The following CSMD1 variants were observed in gnomAD, a reference collection of about 807,000 sequenced individuals.
The protein encoded by CSMD1 is CUB and Sushi multiple domains 1.
A neutral mutation model predicts 417.5 loss-of-function variants in CSMD1; 213 were observed. The observed-to-expected ratio is 0.51, with a 90% confidence interval of 0.46 to 0.57. The LOEUF (loss-of-function observed/expected upper bound fraction) is 0.57, where lower values mean the gene tolerates loss of function less well. Ranked by LOEUF, CSMD1 falls within the 20% of genes least tolerant of loss-of-function variation. CSMD1 has a pLI of 0.00. For missense variants in CSMD1, 6,923 were observed against 4,529.7 expected (o/e 1.53, Z -15.17); for synonymous variants, 2,862 against 1,736.8 (o/e 1.65, Z -16.11).
intron 5 of CSMD1, among the ~76,000 whole-genome samples, chr8:3,981,661 G>C (rs776887333): frequency 6.6e-6 from 1 of 151,856 alleles, no homozygotes; most frequent in Non-Finnish European, 1.5e-5. Flanking sequence ...TCTTGTCATA[G>C]TTTCCTTCTT....
intron 1 of CSMD1, among the ~76,000 whole-genome samples, chr8:4,763,111 G>A (rs1315754065): frequency 6.6e-6 from 1 of 152,130 alleles, no homozygotes; most frequent in Non-Finnish European, 1.5e-5. Context: ...ACCAAACTCA[G>A]CATGAAGTTA....
At chr8:4,629,445 T>TA (rs1802373743) in intron 2 of CSMD1, among the ~76,000 whole-genome samples, 1 of 152,232 alleles carries the variant, frequency 6.6e-6, no homozygotes, top group African/African-American at 2.4e-5. Context: ...ACGTATATTT[T>TA]ACCTGCTTTT....
intron 1 of CSMD1, among the ~76,000 whole-genome samples, chr8:4,993,375 G>A (rs1312786839): frequency 7.9e-5 from 8 of 101,738 alleles, no homozygotes; most frequent in Non-Finnish European, 1.7e-4. Context: ...AAACCAATCA[G>A]TATTCTCTCT....
At chr8:4,990,116 A>G (rs1007034475) in intron 1 of CSMD1, among the ~76,000 whole-genome samples, 4 of 152,136 alleles carry the variant, frequency 2.6e-5, no homozygotes, top group Non-Finnish European at 5.9e-5. Context: ...ACTACTTGCC[A>G]TTTGCTTCTC....
intron 3 of CSMD1, among the ~76,000 whole-genome samples, chr8:4,192,240 G>A (rs1799073967): frequency 1.3e-5 from 2 of 152,106 alleles, no homozygotes; most frequent in South Asian, 4.1e-4. Flanking sequence ...ACAAAATATA[G>A]TTCGTTAGGA....
At chr8:4,486,952 G>T (rs1036191195) in intron 2 of CSMD1, among the ~76,000 whole-genome samples, 2 of 152,154 alleles carry the variant, frequency 1.3e-5, no homozygotes, top group South Asian at 4.1e-4. Context: ...CTAAATGGTA[G>T]CTCACAGAGA....
At chr8:3,565,219 TAGAC>T (rs1554471770) in intron 10 of CSMD1, among the ~76,000 whole-genome samples, 11 of 138,924 alleles carry the variant, frequency 7.9e-5, no homozygotes, top group Admixed American at 1.6e-4. Context: ...GATAGAGAGA[TAGAC>T]AGATAGATAG....
chr8:3,787,635 G>C (rs1799518076), intron 5 of CSMD1, among the ~76,000 whole-genome samples: 2 of 152,058 alleles, frequency 1.3e-5, no homozygotes, highest in Non-Finnish European at 1.5e-5. Context: ...TTTATTCCAA[G>C]GAGAAATAAG....
intron 4 of CSMD1, among the ~76,000 whole-genome samples, chr8:4,003,053 A>G (rs924538820): frequency 6.6e-6 from 1 of 152,222 alleles, no homozygotes; most frequent in African/African-American, 2.4e-5. Context: ...ATTTGCAACA[A>G]CACAGCAGGG....
At chr8:3,113,993 G>A (rs896623685) in intron 42 of CSMD1, among the ~76,000 whole-genome samples, 2 of 152,128 alleles carry the variant, frequency 1.3e-5, no homozygotes, top group African/African-American at 2.4e-5. Context: ...TTAGGGAGGA[G>A]GATCATTTGA....
intron 1 of CSMD1, among the ~76,000 whole-genome samples, chr8:4,884,451 C>T (rs569311368): frequency 1.3e-5 from 2 of 152,064 alleles, no homozygotes; most frequent in South Asian, 2.1e-4. Context: ...AACAAAATTG[C>T]TTTCTACATG....
chr8:3,927,346 G>GA (rs1809809789), intron 5 of CSMD1, among the ~76,000 whole-genome samples: 1 of 151,832 alleles, frequency 6.6e-6, no homozygotes. Context: ...GTATTCAATG[G>GA]AAAAAGGAAA....
chr8:3,392,607 C>T (rs1216221309), intron 17 of CSMD1, among the ~76,000 whole-genome samples: 2 of 152,050 alleles, frequency 1.3e-5, no homozygotes, highest in African/African-American at 2.4e-5. Context: ...CCGGGATCTG[C>T]GTCTGCCTTC....
chr8:2,961,518 T>C (rs1803487830), intron 61 of CSMD1, among the ~76,000 whole-genome samples: 1 of 152,204 alleles, frequency 6.6e-6, no homozygotes, highest in Non-Finnish European at 1.5e-5. Context: ...AATGATATAC[T>C]ATCTTCAATA....
intron 12 of CSMD1, among the ~76,000 whole-genome samples, chr8:3,466,210 T>G (rs1176198141): frequency 6.6e-6 from 1 of 152,212 alleles, no homozygotes; most frequent in East Asian, 1.9e-4. Flanking sequence ...TAGGACTTTT[T>G]TTTTTAATGA....
chr8:4,789,852 C>T lies in CSMD1; in HGVS notation c.86-152294G>A, dbSNP rs79628255. 5.9e-3 allele frequency among the ~76,000 whole-genome samples: 894 copies of T among 152,264 alleles called. 15 individuals are homozygous for T. Among genetic ancestry groups the T allele is most frequent in the African/African-American group, 0.021 (852 of 41,556 alleles). ...GGAAAATAAGTCTAACTTTCTTAATCTCTTTTAGTACTCTTTTATTTTACA... is the reference window on the plus strand; with the variant it reads ...GGAAAATAAGTCTAACTTTCTTAATTTCTTTTAGTACTCTTTTATTTTACA... On this transcript the variant is annotated intron_variant, in intron 1 of 69. Coordinates refer to ENST00000635120, the MANE Select transcript of CSMD1 (RefSeq NM_033225.6).
At chr8:3,420,793 C>T (rs270081) in intron 12 of CSMD1, among the ~76,000 whole-genome samples, 114,731 of 151,986 alleles carry the variant, frequency 0.75, 43,497 homozygotes, top group South Asian at 0.83. Flanking sequence ...CACCATTCTG[C>T]GCATGGATTG....
At chr8:3,053,590 G>A (rs1812018179) in intron 49 of CSMD1, among the ~76,000 whole-genome samples, 1 of 152,096 alleles carries the variant, frequency 6.6e-6, no homozygotes, top group Non-Finnish European at 1.5e-5. Context: ...CGCTTTCACG[G>A]GAAAGACCAT....
At chr8:3,820,313 G>C (rs572521039) in intron 5 of CSMD1, among the ~76,000 whole-genome samples, 11 of 152,246 alleles carry the variant, frequency 7.2e-5, no homozygotes, top group African/African-American at 1.2e-4. Flanking sequence ...GGACACAGTA[G>C]TCTAAGATGA....
Sources: gnomAD v4.1 joint callset for allele counts (sites outside exome capture counted in the v4.1 genomes callset) on GRCh38, gnomAD v4.1.1 for gene constraint, MANE v1.5 for transcripts, NCBI Gene and HGNC (gene_info 2026-07-23, HGNC 2026-07-21) for gene names.